RARB: variants seen among roughly 807,000 people sequenced by gnomAD.
The protein encoded by RARB is HBV-activated protein.
In RARB, 17 loss-of-function variants were observed where a neutral mutation model predicts 51.9. The ratio of observed to expected loss-of-function variants is 0.33; its 90% CI spans 0.22 to 0.49. The LOEUF (loss-of-function observed/expected upper bound fraction) is 0.49, where lower values mean the gene tolerates loss of function less well. Ranked by LOEUF, RARB falls within the 20% of genes least tolerant of loss-of-function variation. The pLI, the probability that RARB is intolerant of heterozygous loss-of-function variation, is 0.99. For missense variants in RARB, 369 were observed against 550.8 expected (o/e 0.67, Z 3.30); for synonymous variants, 215 against 195.4 (o/e 1.10, Z -0.84).
At chr3:25,150,559 A>G (rs1700269916) in intron 4 of RARB, among the ~76,000 whole-genome samples, 1 of 152,208 alleles carries the variant, frequency 6.6e-6, no homozygotes, top group African/African-American at 2.4e-5. Flanking sequence ...TAAACTATGG[A>G]CAAGAAAGAA....
At position 25,078,418 on chromosome 3, in the gene RARB, C is replaced by T. The variant is rs149001786; in HGVS notation, c.-328+18242C>T. Among the ~76,000 whole-genome samples, 200 of 152,082 alleles carry T rather than the reference C, an allele frequency of 1.3e-3. 1 individual carries two copies. The highest frequency in any genetic ancestry group is 4.4e-3 in the African/African-American group (182 of 41,476). On this transcript the variant is annotated intron_variant, in intron 3 of 11. Coordinates refer to the RARB transcript ENST00000383772. ...CCATCAATAATCAATTGACCATTTA[C>T]GTGTGGTTCTATTTTTTAATTTTCT... is the stretch of plus-strand genomic sequence containing the variant.
At chr3:25,090,272 A>G (rs1699173693) in intron 3 of RARB, among the ~76,000 whole-genome samples, 1 of 152,122 alleles carries the variant, frequency 6.6e-6, no homozygotes, top group African/African-American at 2.4e-5. Context: ...CTTGGGAAAA[A>G]TAAGTACTTG....
intron 1 of RARB, among the ~76,000 whole-genome samples, chr3:25,447,205 G>C (rs1224221547): frequency 6.6e-6 from 1 of 152,100 alleles, no homozygotes; most frequent in African/African-American, 2.4e-5. Flanking sequence ...TTTGTATGCA[G>C]ATTTCATTTT....
intron 5 of RARB, among the ~76,000 whole-genome samples, chr3:25,392,891 G>A (rs1374898534): frequency 6.6e-6 from 1 of 151,918 alleles, no homozygotes; most frequent in Non-Finnish European, 1.5e-5. Flanking sequence ...TCTTTCTCTT[G>A]TCTGATTGCT....
intron 5 of RARB, among the ~76,000 whole-genome samples, chr3:25,240,613 A>G (rs1004428298): frequency 6.6e-6 from 1 of 152,098 alleles, no homozygotes; most frequent in Non-Finnish European, 1.5e-5. Context: ...CCTTCATTCT[A>G]TTGATGTAAT....
chr3:25,557,611 C>T (rs1007357708), intron 3 of RARB, among the ~76,000 whole-genome samples: 7 of 152,128 alleles, frequency 4.6e-5, no homozygotes, highest in African/African-American at 1.7e-4. Context: ...TGCTGCCTGG[C>T]ACCTTGCATC....
At chr3:25,532,221 T>G (rs1575493357) in intron 3 of RARB, among the ~76,000 whole-genome samples, 1 of 152,198 alleles carries the variant, frequency 6.6e-6, no homozygotes, top group Non-Finnish European at 1.5e-5. Flanking sequence ...GTGCTATGAA[T>G]TAGTAGAGTA....
intron 3 of RARB, among the ~76,000 whole-genome samples, chr3:25,561,487 G>C (rs529189752): frequency 4.9e-4 from 75 of 151,662 alleles, no homozygotes; most frequent in African/African-American, 1.8e-3. Flanking sequence ...TGTACTTCTG[G>C]GTTCACTGGG....
intron 2 of RARB, among the ~76,000 whole-genome samples, chr3:24,989,902 C>G (rs1484292592): frequency 2.1e-5 from 2 of 93,736 alleles, no homozygotes; most frequent in Non-Finnish European, 4.1e-5. Context: ...CGGGTTCACG[C>G]CATTCTCCTG....
chr3:25,162,778 C>A (rs186450165), intron 4 of RARB, among the ~76,000 whole-genome samples: 2 of 152,318 alleles, frequency 1.3e-5, no homozygotes, highest in African/African-American at 2.4e-5. Context: ...TATGGTCAAT[C>A]AATATAATTT....
Position 25,073,453 on chromosome 3 carries a change from T to C in RARB, c.-328+13277T>C, listed in dbSNP as rs548195946. 1.6e-3 allele frequency among the ~76,000 whole-genome samples: 246 copies of C among 152,344 alleles called. 1 individual carries two copies. Among genetic ancestry groups the C allele is most frequent in the African/African-American group, 5.8e-3 (240 of 41,596 alleles). On this transcript the variant is annotated intron_variant, in intron 3 of 11. Transcript: ENST00000383772. Reference sequence around the variant, plus strand: ...GCAAGACAGTGAAAGCCTTTCAAAATAGGTTCCATGGTTGTAACAGTTTGA... The same window carrying C: ...GCAAGACAGTGAAAGCCTTTCAAAACAGGTTCCATGGTTGTAACAGTTTGA...
intron 2 of RARB, among the ~76,000 whole-genome samples, chr3:25,461,784 A>G (rs1409326365): frequency 6.6e-6 from 1 of 152,156 alleles, no homozygotes; most frequent in Non-Finnish European, 1.5e-5. Context: ...AGTCCCAGCT[A>G]CTCAGGAGGC....
intron 2 of RARB, among the ~76,000 whole-genome samples, chr3:24,864,232 T>A (rs898433896): frequency 1.3e-5 from 2 of 152,186 alleles, no homozygotes; most frequent in African/African-American, 4.8e-5. Flanking sequence ...GCTGGAACTG[T>A]TGGTATCCAG....
rs926608723 is a variant in RARB, at chr3:24,971,891, G to T, written c.-379-88234G>T. 2.0e-5 allele frequency among the ~76,000 whole-genome samples: 3 copies of T among 151,900 alleles called. No individual in the cohort carries two copies. The East Asian group carries it at 5.8e-4, about 29-fold the overall frequency. ...TAAATATTTTTATTTTTGTTATATT[G>T]ATACATAATGGATGTACATATTTTT... On this transcript the variant is annotated intron_variant, in intron 2 of 11. Coordinates refer to the RARB transcript ENST00000383772.
At chr3:25,351,630 G>C (rs1705573490) in intron 5 of RARB, among the ~76,000 whole-genome samples, 1 of 152,108 alleles carries the variant, frequency 6.6e-6, no homozygotes, top group Non-Finnish European at 1.5e-5. Context: ...GAAGACACTT[G>C]GGCGTTTTCA....
chr3:24,859,036 CAAAAAA>C (rs1169235713), intron 2 of RARB, among the ~76,000 whole-genome samples: 1 of 50,320 alleles, frequency 2.0e-5, no homozygotes, highest in Non-Finnish European at 4.3e-5. Flanking sequence ...GACTCTGTCT[CAAAAAA>C]AAAAAAAAAA....
At chr3:25,539,581 C>CTTTTTTTTTTTTTT (rs34726255) in intron 3 of RARB, among the ~76,000 whole-genome samples, 1 of 104,000 alleles carries the variant, frequency 9.6e-6, no homozygotes, top group Non-Finnish European at 1.9e-5. Flanking sequence ...CCCTTTATTT[C>CTTTTTTTTTTTTTT]TTTTTTTTTT....
chr3:25,113,959 A>G (rs542343360), intron 3 of RARB, among the ~76,000 whole-genome samples: 2 of 152,322 alleles, frequency 1.3e-5, no homozygotes, highest in Admixed American at 1.3e-4. Flanking sequence ...TATCATTCCT[A>G]GATTTTACGT....
At chr3:24,937,216 T>A (rs1007769962) in intron 2 of RARB, among the ~76,000 whole-genome samples, 1 of 152,192 alleles carries the variant, frequency 6.6e-6, no homozygotes, top group Non-Finnish European at 1.5e-5. Context: ...TTATTTTTGC[T>A]CTTTTATCTT....
Sources: allele counts gnomAD v4.1 joint callset (sites outside exome capture counted in the v4.1 genomes callset), GRCh38; gene constraint gnomAD v4.1.1; transcripts MANE v1.5; gene names NCBI Gene and HGNC (gene_info 2026-07-23, HGNC 2026-07-21).